The following COPA variants were observed in gnomAD, a reference collection of about 807,000 sequenced individuals.
COPA encodes coat protein complex I subunit alpha.
Under a neutral mutation model 158.7 loss-of-function variants are expected in COPA, and 10 were observed. The ratio of observed to expected loss-of-function variants is 0.06; its 90% CI spans 0.04 to 0.11. The LOEUF (loss-of-function observed/expected upper bound fraction) is 0.11. Among genes scored for constraint, COPA ranks in the 10% least tolerant of loss-of-function variants. COPA has a pLI of 1.00. For synonymous variants in COPA, 462 were observed against 542.8 expected, an observed-to-expected ratio of 0.85 and a Z score of 2.07; for missense variants, 1,065 against 1,536.7, an observed-to-expected ratio of 0.69 and a Z score of 5.13.
At chr1:160,297,243 A>G (rs1208124235) in intron 21 of COPA, 100 bp downstream of exon 21, 16 of 1,062,284 alleles carry the variant, frequency 1.5e-5, no homozygotes, top group South Asian at 7.0e-5. Context: ...AAAATGCACA[A>G]TAAAGAGAAA....
intron 4 of COPA, 66 bp downstream of exon 4, chr1:160,335,176 A>T: frequency 7.1e-7 from 1 of 1,409,356 alleles, no homozygotes; most frequent in Non-Finnish European, 9.7e-7. Context: ...GTTCTCAAGG[A>T]TCAAATAAAG....
chr1:160,339,901 C>T lies in COPA; in HGVS notation c.228+8G>A, dbSNP rs371416802. 9.3e-6 allele frequency: 15 copies of T among 1,612,518 alleles called. No individual in the cohort carries two copies. The highest frequency in any genetic ancestry group is 5.0e-5 in the Admixed American group (3 of 60,000). Reference sequence around the variant, plus strand: ...CCTTTATTCTCAGTTATGACAGACCCTCTGTACCTTAATCTTATAGTCATC... The same window carrying T: ...CCTTTATTCTCAGTTATGACAGACCTTCTGTACCTTAATCTTATAGTCATC... On this transcript the variant is annotated splice_region_variant and intron_variant, in intron 3 of 32. Coordinates refer to ENST00000241704, the MANE Select transcript of COPA (RefSeq NM_004371.4).
chr1:160,313,909 G>T, intron 9 of COPA, 81 bp downstream of exon 9: 1 of 1,289,170 alleles, frequency 7.8e-7, no homozygotes, highest in Non-Finnish European at 1.0e-6. Context: ...TGAAGATGAT[G>T]AGAGACATAA....
At chr1:160,332,792 A>C (rs1647590646) in intron 5 of COPA, among the ~76,000 whole-genome samples, 1 of 152,186 alleles carries the variant, frequency 6.6e-6, no homozygotes, top group African/African-American at 2.4e-5. Flanking sequence ...TTTCAGGAGG[A>C]CTAAGATTAC....
In COPA at chr1:160,331,339, A is replaced by C. The variant is rs561195189; in HGVS notation, c.496+1109T>G. Among the ~76,000 whole-genome samples, 450 of 152,308 alleles carry C rather than the reference A, an allele frequency of 3.0e-3. 1 individual carries two copies. Among genetic ancestry groups the C allele is most frequent in the African/African-American group, 0.01 (424 of 41,578 alleles). The stretch of plus-strand genomic sequence containing the variant: ...ATAATCTATAAATTATTTAATTTCT[A>C]GTCCTAAATCTGTCCATTAAAAGGT... On this transcript the variant is annotated intron_variant, in intron 6 of 32. Coordinates refer to ENST00000241704, the MANE Select transcript of COPA (RefSeq NM_004371.4).
In COPA at chr1:160,311,891, A is replaced by C; in HGVS notation, c.1053T>G (p.Asp351Glu). The change falls in exon 11 of 33, where the codon GAT (aspartate) becomes GAG (glutamate). Residue 351 changes from aspartate (D) to glutamate (E), a missense_variant. By Grantham distance (45) the Asp-to-Glu change is conservative. Around this residue, in one of 2 missense-constraint regions of COPA, gnomAD observed 980 missense variants for 1,357.8 expected, o/e 0.72. Transcript: ENST00000241704. Reference sequence around the variant, plus strand: ...ACCTCCGCAACTGCATCACAGCTACATCTTTGGAGCTGTTGAAATCCAGCT... The same window carrying C: ...ACCTCCGCAACTGCATCACAGCTACCTCTTTGGAGCTGTTGAAATCCAGCT... Reference protein sequence around the residue: ...LRQLDFNSSKDVAVMQLRSGS... With the variant: ...LRQLDFNSSKEVAVMQLRSGS... 1 of 1,613,848 alleles carries C rather than the reference A, an allele frequency of 6.2e-7. No homozygotes were observed. The highest frequency in any genetic ancestry group is 1.1e-5 in the South Asian group (1 of 91,038).
At chr1:160,340,132 A>G (rs774209446) in intron 2 of COPA, 49 bp downstream of exon 2, 3 of 1,486,268 alleles carry the variant, frequency 2.0e-6, no homozygotes, top group East Asian at 2.3e-5. Context: ...ATACCCCAGG[A>G]TATTATAAAT....
chr1:160,289,891 CAG>C lies in COPA; in HGVS notation c.*264_*265del. The C allele has an allele frequency of 2.8e-6, 1 of 360,768 alleles. No individual in the cohort carries two copies. Among genetic ancestry groups the C allele is most frequent in the Non-Finnish European group, 5.0e-6 (1 of 198,180 alleles). The allele number at this position is 360,768 out of a possible 1,614,324, so 22.3% of individuals were successfully genotyped here. A position where few individuals can be genotyped will look rare whatever the true frequency, so the allele number is the denominator to read the frequency against. ...CAGGTATGAGCCACTCCACCCAGCCCAGAGTTTTCATTTGTTCCTTAAAATAA... is the reference window on the plus strand; with the variant it reads ...CAGGTATGAGCCACTCCACCCAGCCCAGTTTTCATTTGTTCCTTAAAATAA... On this transcript the variant is annotated 3_prime_UTR_variant, in exon 33 of 33. Coordinates refer to ENST00000241704, the MANE Select transcript of COPA (RefSeq NM_004371.4).
At chr1:160,308,850 G>T in intron 13 of COPA, 1 of 435,508 alleles carries the variant, frequency 2.3e-6, no homozygotes, top group Non-Finnish European at 4.0e-6. Flanking sequence ...ATGCTGTGCT[G>T]AAAGAGAGAA....
intron 6 of COPA, 33 bp downstream of exon 6, chr1:160,332,415 G>T: frequency 1.3e-6 from 2 of 1,486,952 alleles, no homozygotes; most frequent in South Asian, 2.4e-5. Flanking sequence ...CACCAGAGAT[G>T]ACCAGGTTGT....
At chr1:160,311,700 TCGCGC>T (rs1346602598) in intron 11 of COPA, among the ~76,000 whole-genome samples, 163 bp downstream of exon 11, 6 of 151,920 alleles carry the variant, frequency 3.9e-5, no homozygotes, top group Non-Finnish European at 5.9e-5. Context: ...TGAGCCGAGA[TCGCGC>T]CACTGCACTC....
chr1:160,329,888 G>C (rs888266488), intron 6 of COPA, among the ~76,000 whole-genome samples: 1 of 152,128 alleles, frequency 6.6e-6, no homozygotes, highest in East Asian at 1.9e-4. Context: ...TGAGGCAGCT[G>C]GATCACTTGA....
At chr1:160,297,806 C>T (rs1003004245) in intron 19 of COPA, 61 bp from the exon 20 acceptor site, 1 of 1,523,628 alleles carries the variant, frequency 6.6e-7, no homozygotes, top group South Asian at 1.2e-5. Flanking sequence ...AAACCAAGGA[C>T]TCTGCAAAGC....
chr1:160,310,096 A>C, intron 12 of COPA, 96 bp downstream of exon 12: 1 of 671,138 alleles, frequency 1.5e-6, no homozygotes, highest in Non-Finnish European at 2.4e-6. Flanking sequence ...TGACCATTAA[A>C]TAGTTTCTAA....
At chr1:160,331,561 C>T (rs12085279) in intron 6 of COPA, among the ~76,000 whole-genome samples, 6,290 of 150,840 alleles carry the variant, frequency 0.042, 423 homozygotes, top group African/African-American at 0.14. Flanking sequence ...GCACAAGAAA[C>T]GCTTGAATCC....
intron 13 of COPA, 104 bp downstream of exon 13, chr1:160,308,997 A>C (rs1658879018): frequency 2.3e-6 from 2 of 860,882 alleles, no homozygotes; most frequent in Non-Finnish European, 3.9e-6. Context: ...GACATGAGTG[A>C]TGTGGCCATG....
In COPA at chr1:160,297,708, T is replaced by A. The variant is rs147312908; in HGVS notation, c.2015A>T (p.Asn672Ile). 1.4e-4 allele frequency: 225 copies of A among 1,613,990 alleles called. No homozygotes were observed. The highest frequency in any genetic ancestry group is 1.6e-4 in the Non-Finnish European group (185 of 1,180,016). Residue 672 changes from asparagine (N) to isoleucine (I), a missense_variant, in exon 20 of 33, where the codon AAC (asparagine) becomes ATC (isoleucine). Coordinates refer to ENST00000241704, the MANE Select transcript of COPA (RefSeq NM_004371.4). ...LEAAKALDDK[N>I]CWEKLGEVAL... ...CACTTCTCCCAGCTTTTCCCAGCAG[T>A]TCTTGTCATCCAGTGCTTTGGCTGC...
In COPA at chr1:160,297,415, C is replaced by T; in HGVS notation, c.2191G>A (p.Gly731Ser). The T allele has an allele frequency of 6.2e-7, 1 of 1,614,132 alleles. No individual in the cohort carries two copies. The highest frequency in any genetic ancestry group is 1.1e-5 in the South Asian group (1 of 91,072). Residue 731 changes from glycine (G) to serine (S), a missense_variant, in exon 21 of 33, where the codon GGC becomes AGC. Gly to Ser is a moderately conservative substitution (Grantham distance 56, BLOSUM62 0). Around this residue, in one of 2 missense-constraint regions of COPA, gnomAD observed 980 missense variants for 1,357.8 expected, o/e 0.72. Coordinates refer to ENST00000241704, the MANE Select transcript of COPA (RefSeq NM_004371.4). ...KIAEIRKDMS[G>S]HYQNALYLGD... ...AGGTATAGGGCATTCTGATAGTGGC[C>T]ACTCATGTCCTTTCTGATCTCAGCT...
At chr1:160,314,176 T>C in intron 8 of COPA, 51 bp from the exon 9 acceptor site, 2 of 1,564,932 alleles carry the variant, frequency 1.3e-6, no homozygotes, top group Non-Finnish European at 8.7e-7. Context: ...ACTATAACTT[T>C]AGGATTTGGA....
Sources: gnomAD v4.1 joint callset for allele counts (sites outside exome capture counted in the v4.1 genomes callset) on GRCh38, gnomAD v4.1.1 for gene constraint, gnomAD v4.1.1 regional missense constraint, MANE v1.5 for transcripts, NCBI Gene and HGNC (gene_info 2026-07-23, HGNC 2026-07-21) for gene names.